The following EFNA5 variants were observed in gnomAD, a reference collection of about 807,000 sequenced individuals.
The protein encoded by EFNA5 is ephrin-A5.
A neutral mutation model predicts 22.9 loss-of-function variants in EFNA5; 5 were observed. The ratio of observed to expected loss-of-function variants is 0.22; its 90% confidence interval spans 0.11 to 0.46. The LOEUF (loss-of-function observed/expected upper bound fraction) is 0.46, where lower values mean the gene tolerates loss of function less well. EFNA5 is among the 20% of genes least tolerant of loss of function. EFNA5 has a pLI of 0.99. For synonymous variants in EFNA5, 113 were observed against 112.2 expected (o/e 1.01, Z -0.04); for missense variants, 237 against 293.3 (o/e 0.81, Z 1.40).
chr5:107,503,588 T>C (rs1430451596), intron 1 of EFNA5, among the ~76,000 whole-genome samples: 1 of 152,236 alleles, frequency 6.6e-6, no homozygotes, highest in East Asian at 1.9e-4. Flanking sequence ...TATGTTTCAC[T>C]ACTTACGTAG....
chr5:107,665,315 A>G (rs1341751347), intron 1 of EFNA5, among the ~76,000 whole-genome samples: 1 of 152,220 alleles, frequency 6.6e-6, no homozygotes, highest in African/African-American at 2.4e-5. Context: ...AATGCAGTGA[A>G]ATGCCTGTTC....
intron 1 of EFNA5, among the ~76,000 whole-genome samples, chr5:107,513,861 A>G (rs1166611252): frequency 6.6e-6 from 1 of 152,110 alleles, no homozygotes; most frequent in African/African-American, 2.4e-5. Flanking sequence ...GGGAGAGGAA[A>G]TAAGTGTGAC....
At position 107,427,504 on chromosome 5, in the gene EFNA5, T is replaced by A. The variant is rs1748839020; in HGVS notation, c.131A>T (p.Gln44Leu). 1 of 1,580,954 alleles carries A rather than the reference T, an allele frequency of 6.3e-7. No homozygotes were observed. Among genetic ancestry groups the A allele is most frequent in the African/African-American group, 1.4e-5 (1 of 73,182 alleles). The change falls in exon 2 of 5, where the codon CAG (glutamine) becomes CTG (leucine). Residue 44 changes from glutamine (Q) to leucine (L), a missense_variant. Gln to Leu is a moderately radical substitution (Grantham distance 113). Coordinates refer to ENST00000333274, the MANE Select transcript of EFNA5 (RefSeq NM_001962.3). The part of the protein sequence containing the change: ...VYWNSSNPRF[Q>L]RGDYHIDVCI... ...GACATCAATATGGTAGTCACCCCTC[T>A]GGAATCTGTTAGAAAAAGAAAAAAA...
intron 1 of EFNA5, among the ~76,000 whole-genome samples, chr5:107,457,101 G>A (rs1749715746): frequency 6.6e-6 from 1 of 152,138 alleles, no homozygotes; most frequent in South Asian, 2.1e-4. Flanking sequence ...AACAGCCTCA[G>A]TGGCCCACTT....
intron 1 of EFNA5, among the ~76,000 whole-genome samples, chr5:107,580,699 GC>G (rs1749026725): frequency 7.5e-6 from 1 of 134,194 alleles, no homozygotes; most frequent in Non-Finnish European, 1.5e-5. Context: ...TCCAGCCTGG[GC>G]AAAAGAGCAA....
intron 1 of EFNA5, among the ~76,000 whole-genome samples, chr5:107,565,338 T>C (rs142636202): frequency 1.5e-4 from 23 of 152,376 alleles, no homozygotes; most frequent in African/African-American, 5.5e-4. Context: ...GTTTTCATTT[T>C]GTTTTATATT....
At chr5:107,461,576 G>C (rs1437255650) in intron 1 of EFNA5, among the ~76,000 whole-genome samples, 1 of 152,014 alleles carries the variant, frequency 6.6e-6, no homozygotes, top group African/African-American at 2.4e-5. Flanking sequence ...AGAGAAAAGG[G>C]GAAAACCAGC....
chr5:107,544,263 A>G (rs975420755), intron 1 of EFNA5, among the ~76,000 whole-genome samples: 2 of 152,166 alleles, frequency 1.3e-5, no homozygotes, highest in East Asian at 1.9e-4. Flanking sequence ...AAGATGTGGC[A>G]TTTGCTGAAC....
intron 1 of EFNA5, among the ~76,000 whole-genome samples, chr5:107,492,741 G>A (rs1007173601): frequency 2.4e-4 from 36 of 152,312 alleles, no homozygotes; most frequent in African/African-American, 8.4e-4. Context: ...GATCATGCCT[G>A]TAATCCCAGC....
At chr5:107,631,694 T>C (rs1204725744) in intron 1 of EFNA5, among the ~76,000 whole-genome samples, 1 of 152,196 alleles carries the variant, frequency 6.6e-6, no homozygotes, top group Admixed American at 6.5e-5. Flanking sequence ...TAAAATATTC[T>C]GATCATTTTC....
chr5:107,496,251 A>G (rs1393638324), intron 1 of EFNA5, among the ~76,000 whole-genome samples: 1 of 143,884 alleles, frequency 7.0e-6, no homozygotes, highest in Non-Finnish European at 1.5e-5. Flanking sequence ...AAACAGAATC[A>G]TTTGAACCTG....
intron 1 of EFNA5, among the ~76,000 whole-genome samples, chr5:107,484,546 T>C (rs2898622): frequency 0.098 from 14,914 of 152,228 alleles, 1,353 homozygotes; most frequent in African/African-American, 0.24. Context: ...TGAGAATTCT[T>C]CTGAGTTTAA....
intron 1 of EFNA5, among the ~76,000 whole-genome samples, chr5:107,469,111 C>A (rs1750068670): frequency 6.6e-6 from 1 of 152,122 alleles, no homozygotes; most frequent in Non-Finnish European, 1.5e-5. Flanking sequence ...CTTGTTAAAA[C>A]ATTATTAAGA....
chr5:107,651,858 A>G (rs893683951), intron 1 of EFNA5, among the ~76,000 whole-genome samples: 1 of 152,166 alleles, frequency 6.6e-6, no homozygotes, highest in South Asian at 2.1e-4. Flanking sequence ...GTATTCTGTT[A>G]TATTTACAAA....
intron 1 of EFNA5, among the ~76,000 whole-genome samples, chr5:107,534,362 G>C (rs6862442): frequency 6.6e-6 from 1 of 152,154 alleles, no homozygotes; most frequent in East Asian, 1.9e-4. Context: ...CATGAGCTAA[G>C]AGAAAGCAAC....
chr5:107,589,642 G>A (rs1191945334), intron 1 of EFNA5, among the ~76,000 whole-genome samples: 1 of 152,166 alleles, frequency 6.6e-6, no homozygotes, highest in Admixed American at 6.5e-5. Flanking sequence ...ACAATGCGGA[G>A]TGAAAGAGGC....
intron 1 of EFNA5, among the ~76,000 whole-genome samples, chr5:107,607,346 C>T (rs1749744522): frequency 6.6e-6 from 1 of 152,196 alleles, no homozygotes. Context: ...AACTCGCTGC[C>T]TGCTAGAGAG....
intron 1 of EFNA5, among the ~76,000 whole-genome samples, chr5:107,511,122 G>A (rs1561417839): frequency 1.3e-5 from 2 of 151,158 alleles, no homozygotes; most frequent in South Asian, 4.2e-4. Flanking sequence ...TGCCTCCCAG[G>A]TTCAAGTGAT....
At chr5:107,550,380 C>T (rs1053528426) in intron 1 of EFNA5, among the ~76,000 whole-genome samples, 2 of 152,006 alleles carry the variant, frequency 1.3e-5, no homozygotes, top group African/African-American at 4.8e-5. Flanking sequence ...TATATGTATG[C>T]GAGACAGTGT....
Sources: gnomAD v4.1 joint callset for allele counts (sites outside exome capture counted in the v4.1 genomes callset) on GRCh38, gnomAD v4.1.1 for gene constraint, MANE v1.5 for transcripts, NCBI Gene and HGNC (gene_info 2026-07-23, HGNC 2026-07-21) for gene names.